The following ATP2B2 variants were observed in gnomAD, a reference collection of about 807,000 sequenced individuals.
ATP2B2 encodes ATPase plasma membrane Ca2+ transporting 2.
ATP2B2 carries 15 observed loss-of-function variants against 120.0 expected under a neutral mutation model. The observed-to-expected ratio is 0.12, with a 90% CI of 0.08 to 0.19. The LOEUF (loss-of-function observed/expected upper bound fraction) is 0.19. ATP2B2 is among the 10% of genes least tolerant of loss of function. ATP2B2 has a pLI of 1.00. For synonymous variants in ATP2B2, 694 were observed against 700.3 expected, an observed-to-expected ratio of 0.99 and a Z score of 0.14; for missense variants, 1,045 against 1,719.8, an observed-to-expected ratio of 0.61 and a Z score of 6.94.
intron 5 of ATP2B2, among the ~76,000 whole-genome samples, chr3:10,398,825 T>G (rs2062127361): frequency 6.6e-6 from 1 of 152,214 alleles, no homozygotes; most frequent in African/African-American, 2.4e-5. Context: ...TCCTGAAATC[T>G]CCTGCTCCCA....
At chr3:10,372,935 T>C (rs1220307378) in intron 11 of ATP2B2, among the ~76,000 whole-genome samples, 1 of 152,244 alleles carries the variant, frequency 6.6e-6, no homozygotes, top group Non-Finnish European at 1.5e-5. Flanking sequence ...GATGGAGTTC[T>C]AGGCTGTGCC....
At chr3:10,361,695 T>C (rs1003773062) in intron 12 of ATP2B2, among the ~76,000 whole-genome samples, 1 of 152,234 alleles carries the variant, frequency 6.6e-6, no homozygotes, top group Non-Finnish European at 1.5e-5. Context: ...CTCCCTTCCC[T>C]GCCAGGCAAA....
At chr3:10,706,425 T>C (rs772795919) in intron 1 of ATP2B2, among the ~76,000 whole-genome samples, 2 of 152,208 alleles carry the variant, frequency 1.3e-5, no homozygotes, top group Non-Finnish European at 2.9e-5. Context: ...GTTTCTCCCA[T>C]GGCAGCAGCA....
chr3:10,429,095 T>C (rs1259150341), intron 2 of ATP2B2, among the ~76,000 whole-genome samples: 2 of 152,122 alleles, frequency 1.3e-5, no homozygotes, highest in Non-Finnish European at 1.5e-5. Flanking sequence ...CAATCTCCAC[T>C]CAGGCCCCAC....
At chr3:10,351,823 A>G (rs2060587421) in intron 14 of ATP2B2, among the ~76,000 whole-genome samples, 3 of 152,238 alleles carry the variant, frequency 2.0e-5, no homozygotes, top group Non-Finnish European at 4.4e-5. Context: ...TCTACACTCC[A>G]AGGAGGCCAA....
intron 1 of ATP2B2, among the ~76,000 whole-genome samples, chr3:10,705,499 T>C (rs1381880444): frequency 6.6e-6 from 1 of 152,216 alleles, no homozygotes; most frequent in Non-Finnish European, 1.5e-5. Flanking sequence ...CTCTGTCTGC[T>C]CCCACTGCAC....
intron 2 of ATP2B2, among the ~76,000 whole-genome samples, chr3:10,609,258 G>T (rs185899245): frequency 7.4e-5 from 11 of 148,810 alleles, no homozygotes; most frequent in African/African-American, 2.4e-4. Context: ...TGGGCTCTGG[G>T]ACTCTGGGCT....
intron 2 of ATP2B2, among the ~76,000 whole-genome samples, chr3:10,441,712 A>G (rs926334562): frequency 5.3e-5 from 8 of 152,258 alleles, no homozygotes; most frequent in African/African-American, 7.2e-5. Flanking sequence ...ATGTGGCCCA[A>G]GCCTGCACAT....
intron 1 of ATP2B2, among the ~76,000 whole-genome samples, chr3:10,482,229 G>A (rs1310908244): frequency 6.6e-6 from 1 of 152,146 alleles, no homozygotes; most frequent in Non-Finnish European, 1.5e-5. Flanking sequence ...CCTGGGGGTG[G>A]GCTTTACTGT....
chr3:10,651,188 G>A (rs1022551559), intron 1 of ATP2B2, among the ~76,000 whole-genome samples: 10 of 152,134 alleles, frequency 6.6e-5, no homozygotes, highest in Admixed American at 1.3e-4. Context: ...AGACTTTGGG[G>A]GACTGTTGAG....
At chr3:10,527,734 A>G (rs2067126927) in intron 3 of ATP2B2, among the ~76,000 whole-genome samples, 1 of 152,174 alleles carries the variant, frequency 6.6e-6, no homozygotes, top group Non-Finnish European at 1.5e-5. Flanking sequence ...TCGCGAACCC[A>G]GCCTCCCATA....
intron 3 of ATP2B2, among the ~76,000 whole-genome samples, chr3:10,408,582 G>A (rs1394095997): frequency 6.6e-6 from 1 of 152,196 alleles, no homozygotes; most frequent in Non-Finnish European, 1.5e-5. Flanking sequence ...CCAGAGGCAG[G>A]GAAGAGCCTT....
At chr3:10,456,714 T>G (rs1210833112) in intron 1 of ATP2B2, among the ~76,000 whole-genome samples, 1 of 152,262 alleles carries the variant, frequency 6.6e-6, no homozygotes, top group African/African-American at 2.4e-5. Context: ...CTCAGGTGGC[T>G]GGGGAGGCCT....
chr3:10,483,768 C>T (rs567972202), intron 1 of ATP2B2, among the ~76,000 whole-genome samples: 7 of 152,328 alleles, frequency 4.6e-5, no homozygotes, highest in East Asian at 1.9e-4. Context: ...GGCCTCCAAA[C>T]GCCTTCCGGA....
At chr3:10,380,347 G>A (rs774045196) in intron 8 of ATP2B2, among the ~76,000 whole-genome samples, 23 of 152,320 alleles carry the variant, frequency 1.5e-4, no homozygotes, top group Non-Finnish European at 2.8e-4. Context: ...AACAGGCCTC[G>A]CCCCCTTGGG....
chr3:10,382,742 A>C (rs1228919076), intron 8 of ATP2B2, among the ~76,000 whole-genome samples: 1 of 152,194 alleles, frequency 6.6e-6, no homozygotes, highest in African/African-American at 2.4e-5. Context: ...AAAGAAAAAT[A>C]ACTAAATAAT....
At chr3:10,566,900 G>T (rs1256999923) in intron 2 of ATP2B2, among the ~76,000 whole-genome samples, 2 of 152,228 alleles carry the variant, frequency 1.3e-5, no homozygotes, top group Non-Finnish European at 2.9e-5. Flanking sequence ...TTAACACAAA[G>T]TCAGGTTCTG....
chr3:10,406,856 T>C (rs1300975682), intron 3 of ATP2B2, among the ~76,000 whole-genome samples: 2 of 152,172 alleles, frequency 1.3e-5, no homozygotes, highest in Non-Finnish European at 2.9e-5. Flanking sequence ...GGCAGTCACT[T>C]GCTGGGAGTT....
chr3:10,326,479 G>T lies in ATP2B2; in HGVS notation c.*2335C>A, dbSNP rs935053345. ...CCTGATGTCATGGAACGAGGTCACG[G>T]ACACATGACTGATCAAAGAAGTGGG... On this transcript the variant is annotated 3_prime_UTR_variant, in exon 23 of 23. Coordinates refer to ENST00000360273, the MANE Select transcript of ATP2B2 (RefSeq NM_001001331.4). 4 of 382,186 alleles carry T rather than the reference G, an allele frequency of 1.0e-5. No homozygotes were observed. Among genetic ancestry groups the T allele is most frequent in the Non-Finnish European group, 1.9e-5 (4 of 216,032 alleles). The allele number at this position is 382,186 out of a possible 1,614,324, so 23.7% of individuals were successfully genotyped here. A position where few individuals can be genotyped will look rare whatever the true frequency, so the allele number is the denominator to read the frequency against.
Sources: gnomAD v4.1 joint callset for allele counts (sites outside exome capture counted in the v4.1 genomes callset) on GRCh38, gnomAD v4.1.1 for gene constraint, MANE v1.5 for transcripts, NCBI Gene and HGNC (gene_info 2026-07-23, HGNC 2026-07-21) for gene names.